The following OGDHL variants were observed in gnomAD, a reference collection of about 807,000 sequenced individuals.
The protein encoded by OGDHL is oxoglutarate dehydrogenase L.
OGDHL carries 79 observed loss-of-function variants against 109.6 expected under a neutral mutation model. That is an observed-to-expected ratio of 0.72 (90% confidence interval 0.60 to 0.87). The LOEUF (loss-of-function observed/expected upper bound fraction) is 0.87, where lower values mean the gene tolerates loss of function less well. Among genes scored for constraint, OGDHL ranks in the 40% least tolerant of loss-of-function variants. The pLI, the probability that OGDHL is intolerant of heterozygous loss-of-function variation, is 0.00. For synonymous variants in OGDHL, 528 were observed against 537.2 expected, an observed-to-expected ratio of 0.98 and a Z score of 0.24; for missense variants, 1,275 against 1,362.2, an observed-to-expected ratio of 0.94 and a Z score of 1.01.
intron 1 of OGDHL, among the ~76,000 whole-genome samples, chr10:49,760,322 G>T (rs941788962): frequency 7.2e-5 from 11 of 152,330 alleles, no homozygotes; most frequent in African/African-American, 2.6e-4. Flanking sequence ...AGAGCGCGGG[G>T]CACTTGGGGC....
intron 13 of OGDHL, 148 bp from the exon 14 acceptor site, chr10:49,744,270 G>A: frequency 1.0e-6 from 1 of 971,966 alleles, no homozygotes; most frequent in Non-Finnish European, 1.5e-6. Context: ...TGGGACCTGG[G>A]ACAGCTGGAC....
At chr10:49,760,612 T>C (rs534259315) in intron 1 of OGDHL, among the ~76,000 whole-genome samples, 3 of 152,310 alleles carry the variant, frequency 2.0e-5, no homozygotes, top group Admixed American at 1.3e-4. Flanking sequence ...ATAAACATAA[T>C]AGGCACCGTC....
chr10:49,756,652 T>C lies in OGDHL; in HGVS notation c.375+124A>G, dbSNP rs1311936303. ...GGCTAGAGGAGTAGGTGCCGCTCAG[T>C]AGAGGACAAGGAGAAGGGCTCTCTG... On this transcript the variant is annotated intron_variant, in intron 3 of 22. Coordinates refer to ENST00000374103, the MANE Select transcript of OGDHL (RefSeq NM_018245.3). 8 of 965,714 alleles carry C rather than the reference T, an allele frequency of 8.3e-6. No individual in the cohort carries two copies. In the Admixed American group the frequency reaches 2.3e-4, roughly 28 times the overall value. The allele number at this position is 965,714 out of a possible 1,614,324, so 59.8% of individuals were successfully genotyped here.
rs752968999 is a variant in OGDHL at position 49,758,559 on chromosome 10, C to T, written c.34G>A (p.Gly12Arg). The change falls in exon 2 of 23, where the codon GGG becomes AGG. Residue 12 changes from glycine to arginine, a missense_variant. By Grantham distance (125) the Gly-to-Arg change is moderately radical (BLOSUM62 -2). Coordinates refer to ENST00000374103, the MANE Select transcript of OGDHL (RefSeq NM_018245.3). ...GCCAGGAGCCTCGCAGCCTGTACCC[C>T]AAGACGGGACGGCAGCAGCCTCAGC... ...SQLRLLPSRL[G>R]VQAARLLAAH... is the part of the protein sequence containing the mutation. 1 of 1,613,904 alleles carries T rather than the reference C, an allele frequency of 6.2e-7. No individual in the cohort carries two copies. Among genetic ancestry groups the T allele is most frequent in the Admixed American group, 1.7e-5 (1 of 60,030 alleles).
In OGDHL at chr10:49,736,054, T is replaced by C; in HGVS notation, c.2878A>G (p.Met960Val). ...GGCCGTGCGCGCCTCAGGATGGTCA[T>C]GAAGCGTGGGCTGATGTAGTCATAG... ...GYYDYISPRF[M>V]TILRRARPIW... is the part of the protein sequence containing the mutation. Residue 960 changes from methionine to valine, a missense_variant, in exon 22 of 23, where the codon ATG becomes GTG. Coordinates refer to ENST00000374103, the MANE Select transcript of OGDHL (RefSeq NM_018245.3). The C allele has an allele frequency of 3.1e-6, 5 of 1,604,192 alleles. No individual in the cohort carries two copies. The highest frequency in any genetic ancestry group is 3.4e-6 in the Non-Finnish European group (4 of 1,175,302).
chr10:49,743,865 C>A (rs1389461281), intron 14 of OGDHL, 129 bp downstream of exon 14: 2 of 1,180,398 alleles, frequency 1.7e-6, no homozygotes, highest in African/African-American at 1.5e-5. Flanking sequence ...CCGAGAGCTA[C>A]GTGGACCCAC....
chr10:49,750,803 G>A, intron 7 of OGDHL, 36 bp downstream of exon 7: 1 of 1,571,810 alleles, frequency 6.4e-7, no homozygotes. Context: ...TGGGCTGGAG[G>A]AGAATGCGCA....
rs143898079 is a variant in OGDHL at position 49,744,038 on chromosome 10, C to A, written c.1817G>T (p.Ser606Ile). 1.9e-6 allele frequency: 3 copies of A among 1,614,134 alleles called. No individual in the cohort carries two copies. The highest frequency in any genetic ancestry group is 3.3e-4 in the Middle Eastern group (2 of 6,060). ...CTCCAGGGGCACAGAGCTGGCCACA[C>A]TGCCGATGTGGGTGAGCATGTCCTC... Reference protein sequence around the residue: ...IPEDMLTHIGSVASSVPLEDF... With the variant: ...IPEDMLTHIGIVASSVPLEDF... Residue 606 changes from serine to isoleucine, a missense_variant, in exon 14 of 23, where the codon AGT (serine) becomes ATT (isoleucine). Physicochemically the swap from Ser to Ile is moderately radical, Grantham distance 142. Coordinates refer to ENST00000374103, the MANE Select transcript of OGDHL (RefSeq NM_018245.3).
Position 49,751,993 on chromosome 10 carries a change from C to A in OGDHL, c.595-12G>T. 1 of 1,614,112 alleles carries A rather than the reference C, an allele frequency of 6.2e-7. No homozygotes were observed. Among genetic ancestry groups the A allele is most frequent in the Non-Finnish European group, 8.5e-7 (1 of 1,180,006 alleles). Reference sequence around the variant, plus strand: ...TGGCAGTAGGTGTTCTGGGGAGACACATTGGGACCCCATGAGGAGCGGGGA... The same window carrying A: ...TGGCAGTAGGTGTTCTGGGGAGACAAATTGGGACCCCATGAGGAGCGGGGA... On this transcript the variant is annotated splice_polypyrimidine_tract_variant and intron_variant, in intron 5 of 22. Transcript: ENST00000374103.
Position 49,752,031 on chromosome 10 carries a change from G to A in OGDHL, c.595-50C>T, listed in dbSNP as rs192359330. ...TGAGGAGCGGGGAAGAGGGACGGCT[G>A]ACATCCCTGCTGTCTAGAACAAAAA... On this transcript the variant is annotated intron_variant, in intron 5 of 22. Coordinates refer to ENST00000374103, the MANE Select transcript of OGDHL (RefSeq NM_018245.3). The A allele has an allele frequency of 6.2e-6, 10 of 1,611,996 alleles. No individual in the cohort carries two copies. The Admixed American group carries it at 1.3e-4, about 21-fold the overall frequency.
At chr10:49,739,510 A>G in intron 17 of OGDHL, 151 bp downstream of exon 17, 2 of 842,348 alleles carry the variant, frequency 2.4e-6, no homozygotes, top group Non-Finnish European at 3.5e-6. Flanking sequence ...TGCAGCATGC[A>G]CATGTGCAGA....
chr10:49,759,241 T>C (rs1204097467), intron 1 of OGDHL, among the ~76,000 whole-genome samples: 2 of 151,682 alleles, frequency 1.3e-5, no homozygotes, highest in South Asian at 2.1e-4. Flanking sequence ...AGAAGGCTGG[T>C]GACACTAGGC....
At chr10:49,739,865 G>C (rs774451051) in intron 16 of OGDHL, 26 bp from the exon 17 acceptor site, 1 of 1,601,158 alleles carries the variant, frequency 6.2e-7, no homozygotes, top group Non-Finnish European at 8.5e-7. Context: ...GATAGAGCTT[G>C]CTGCACACAG....
At chr10:49,746,614 A>G (rs1465873757) in intron 10 of OGDHL, 136 bp downstream of exon 10, 1 of 1,172,088 alleles carries the variant, frequency 8.5e-7, no homozygotes, top group Non-Finnish European at 1.2e-6. Context: ...CAAGGCTGGA[A>G]AGAGCAGGGT....
At chr10:49,753,441 T>C (rs1433541315) in intron 3 of OGDHL, among the ~76,000 whole-genome samples, 2 of 152,158 alleles carry the variant, frequency 1.3e-5, no homozygotes, top group South Asian at 2.1e-4. Context: ...GTCTTAAAAA[T>C]TGAAAGTGAA....
rs751212061 is a variant in OGDHL at position 49,750,944 on chromosome 10, C to T, written c.791G>A (p.Arg264Gln). The part of the protein sequence containing the change: ...FLARKWSSEK[R>Q]FGLEGCEVMI... The stretch of plus-strand genomic sequence containing the variant: ...CACTTCACAGCCCTCCAGGCCAAAC[C>T]GCTTCTCTGAGGACCATTTCCGGGC... The change falls in exon 7 of 23, where the codon CGG (arginine) becomes CAG (glutamine). Residue 264 changes from arginine (R) to glutamine (Q), a missense_variant. By Grantham distance (43) the Arg-to-Gln change is conservative. Coordinates refer to ENST00000374103, the MANE Select transcript of OGDHL (RefSeq NM_018245.3). 111 of 1,610,642 alleles carry T rather than the reference C, an allele frequency of 6.9e-5. No homozygotes were observed. Among genetic ancestry groups the T allele is most frequent in the Non-Finnish European group, 8.8e-5 (104 of 1,178,004 alleles).
In OGDHL at chr10:49,737,875, C is replaced by T. The variant is rs776276630; in HGVS notation, c.2518-17G>A. 9.7e-5 allele frequency: 157 copies of T among 1,614,202 alleles called. No individual in the cohort carries two copies. Among genetic ancestry groups the T allele is most frequent in the South Asian group, 8.6e-4 (78 of 91,082 alleles). On this transcript the variant is annotated splice_polypyrimidine_tract_variant and intron_variant, in intron 19 of 22. Transcript: ENST00000374103. ...GATAATCAGCTGGAAGGGAAATACA[C>T]GCCCAGCTGCCAGCTGGCCCTGCCT...
chr10:49,759,169 T>C (rs1229647392), intron 1 of OGDHL, among the ~76,000 whole-genome samples: 1 of 152,102 alleles, frequency 6.6e-6, no homozygotes. Context: ...CGACCAAAAG[T>C]GACCAGTGAC....
At chr10:49,743,967 G>A in intron 14 of OGDHL, 27 bp downstream of exon 14, 2 of 1,606,194 alleles carry the variant, frequency 1.2e-6, no homozygotes, top group Non-Finnish European at 1.7e-6. Context: ...CCAGCAGCCT[G>A]GGCTGCAGCC....
Sources: gnomAD v4.1 joint callset for allele counts (sites outside exome capture counted in the v4.1 genomes callset) on GRCh38, gnomAD v4.1.1 for gene constraint, MANE v1.5 for transcripts, NCBI Gene and HGNC (gene_info 2026-07-23, HGNC 2026-07-21) for gene names.